The following ZNF677 variants were observed in gnomAD, a reference collection of about 807,000 sequenced individuals.
ZNF677 encodes zinc finger protein 677, also known as hypothetical protein MGC48625.
A neutral mutation model predicts 8.1 loss-of-function variants in ZNF677; 5 were observed. The observed-to-expected ratio is 0.62, with a 90% CI of 0.32 to 1.29. The LOEUF is 1.29. Among genes scored for constraint, ZNF677 ranks in the 50% most tolerant of loss-of-function variants. The pLI is 0.05. For missense variants in ZNF677, 685 were observed against 685.9 expected (o/e 1.00, Z 0.01); for synonymous variants, 221 against 225.6 (o/e 0.98, Z 0.18).
In ZNF677 at chr19:53,237,128, G is replaced by A. The variant is rs1456107567; in HGVS notation, c.1599C>T (p.His533=). 5 of 1,613,642 alleles carry A rather than the reference G, an allele frequency of 3.1e-6. No homozygotes were observed. The African/African-American group carries it at 4.0e-5, about 13-fold the overall frequency. Residue 533 remains histidine, a synonymous_variant, in exon 5 of 5, where the codon CAC becomes CAT. Transcript: ENST00000598513. ...AFTQFANLTR[H]QKIHIEKKHC... Reference sequence around the variant, plus strand: ...GTTTCTTTTCAATGTGTATTTTCTGGTGTCTAGTGAGGTTTGCAAATTGGG... The same window carrying A: ...GTTTCTTTTCAATGTGTATTTTCTGATGTCTAGTGAGGTTTGCAAATTGGG...
At chr19:53,252,805 A>T (rs2091255545) in intron 2 of ZNF677, among the ~76,000 whole-genome samples, 1 of 152,114 alleles carries the variant, frequency 6.6e-6, no homozygotes, top group South Asian at 2.1e-4. Context: ...GACATAAGGG[A>T]GTAAAGAAAC....
chr19:53,240,761 G>A (rs1396728520), intron 4 of ZNF677: 1 of 152,216 alleles, frequency 6.6e-6, no homozygotes, highest in South Asian at 2.1e-4. Flanking sequence ...TATTATGGAG[G>A]ATATATGTCT....
At position 53,237,168 on chromosome 19, in the gene ZNF677, C is replaced by T. The variant is rs2090979622; in HGVS notation, c.1559G>A (p.Cys520Tyr). ...TGEKPYKCTE[C>Y]GKAFTQFANL... ...TGCAAATTGGGTAAAAGCTTTGCCA[C>T]ATTCAGTACATTTGTAAGGTTTCTC... The change falls in exon 5 of 5, where the codon TGT (cysteine) becomes TAT (tyrosine). Residue 520 changes from cysteine to tyrosine, a missense_variant. Physicochemically the swap from Cys to Tyr is radical, Grantham distance 194. Transcript: ENST00000598513. 1.2e-6 allele frequency: 2 copies of T among 1,612,484 alleles called. No individual in the cohort carries two copies. The highest frequency in any genetic ancestry group is 3.3e-5 in the Admixed American group (2 of 59,848).
chr19:53,244,230 G>A (rs1368790297), intron 3 of ZNF677, among the ~76,000 whole-genome samples: 1 of 152,138 alleles, frequency 6.6e-6, no homozygotes, highest in Non-Finnish European at 1.5e-5. Context: ...GGGCACACTG[G>A]AATGGGCCTG....
Position 53,238,110 on chromosome 19 carries a change from T to G in ZNF677, c.617A>C (p.Gln206Pro). Residue 206 changes from glutamine (Q) to proline (P), a missense_variant, in exon 5 of 5, where the codon CAA becomes CCA. Transcript: ENST00000598513. ...QAQLAELQRF[Q>P]TGEKMYECNP... ...ACATTCATACATTTTCTCCCCAGTT[T>G]GAAATCTCTGTAGTTCAGCCAGCTG... 2 of 1,614,060 alleles carry G rather than the reference T, an allele frequency of 1.2e-6. No homozygotes were observed. The highest frequency in any genetic ancestry group is 1.3e-5 in the African/African-American group (1 of 75,066).
At chr19:53,243,272 A>G in intron 4 of ZNF677, 1 of 167,974 alleles carries the variant, frequency 6.0e-6, no homozygotes, top group Non-Finnish European at 1.3e-5. Context: ...GAAAAAAAGG[A>G]ACATGGTATG....
intron 4 of ZNF677, chr19:53,242,319 T>C: frequency 2.5e-6 from 1 of 398,466 alleles, no homozygotes; most frequent in Non-Finnish European, 4.4e-6. Context: ...AGTTCCCGGA[T>C]AGAGTAGAAA....
rs1465583972 is a variant in ZNF677 at position 53,237,071 on chromosome 19, TA to T, written c.1655del (p.Leu552TyrfsTer61). The T allele has an allele frequency of 1.9e-6, 3 of 1,612,892 alleles. No homozygotes were observed. Among genetic ancestry groups the T allele is most frequent in the Non-Finnish European group, 2.5e-6 (3 of 1,179,694 alleles). ...GATCTCCAAGGTTTGAACTTTGGAA[TA>T]AAGCATTACCATGTATATTATGTTT... The part of the protein sequence containing the change: ...HCKHNIHGNA[L>X]FQSSNLGDHQ... On this transcript the variant is annotated frameshift_variant, in exon 5 of 5. Transcript: ENST00000598513. LOFTEE classifies it low-confidence loss of function (END_TRUNC).
intron 4 of ZNF677, chr19:53,240,370 C>T (rs369725637): frequency 1.2e-4 from 19 of 152,376 alleles, no homozygotes; most frequent in African/African-American, 4.6e-4. Flanking sequence ...CCTCAGCCTC[C>T]TGAGTAGCTG....
At position 53,238,509 on chromosome 19, in the gene ZNF677, T is replaced by C. The variant is rs1429352904; in HGVS notation, c.218A>G (p.Asn73Ser). The change falls in exon 5 of 5, where the codon AAT becomes AGT. Residue 73 changes from asparagine to serine, a missense_variant. By Grantham distance (46) the Asn-to-Ser change is conservative. Coordinates refer to ENST00000598513, the MANE Select transcript of ZNF677 (RefSeq NM_182609.4). ...TSKGLSPKEN[N>S]KEELYHLVIL... The stretch of plus-strand genomic sequence containing the variant: ...CACCAGATGGTATAATTCCTCTTTA[T>C]TATTTTCCTTTGGTGATAATCCCTT... 5 of 1,597,304 alleles carry C rather than the reference T, an allele frequency of 3.1e-6. No individual in the cohort carries two copies. The highest frequency in any genetic ancestry group is 4.3e-6 in the Non-Finnish European group (5 of 1,175,240).
intron 4 of ZNF677, chr19:53,241,172 A>G (rs1316376594): frequency 6.6e-6 from 1 of 152,188 alleles, no homozygotes; most frequent in Non-Finnish European, 1.5e-5. Context: ...CATATAAAAC[A>G]TCATGAAAGT....
chr19:53,246,522 A>ACACT (rs1389073006), intron 3 of ZNF677, among the ~76,000 whole-genome samples: 2 of 147,670 alleles, frequency 1.4e-5, no homozygotes, highest in Non-Finnish European at 3.0e-5. Flanking sequence ...ACACACACAC[A>ACACT]CACACACACT....
chr19:53,242,198 C>T (rs1016520552), intron 4 of ZNF677: 17 of 397,508 alleles, frequency 4.3e-5, no homozygotes, highest in African/African-American at 2.7e-4. Context: ...TCCCAAAGTG[C>T]TGGGATTATA....
chr19:53,249,076 T>C (rs573449204), intron 3 of ZNF677: 3 of 152,326 alleles, frequency 2.0e-5, no homozygotes, highest in East Asian at 1.9e-4. Flanking sequence ...AACTTTATAG[T>C]TGAAATTTTC....
rs1568689327 is a variant in ZNF677, at chr19:53,238,313, TTTA to T, written c.411_413del (p.Asn137del). 1.2e-6 allele frequency: 2 copies of T among 1,613,650 alleles called. No homozygotes were observed. Among genetic ancestry groups the T allele is most frequent in the Non-Finnish European group, 8.5e-7 (1 of 1,179,798 alleles). The stretch of plus-strand genomic sequence containing the variant: ...GCTTTAAAGAGAAATGTATTGAGGA[TTTA>T]TTATGTTGTTGATCTTTTCTGTGAG... On this transcript the variant is annotated inframe_deletion, in exon 5 of 5. Transcript: ENST00000598513.
chr19:53,236,246 A>G lies in ZNF677; in HGVS notation c.*726T>C, dbSNP rs2090971912. ...AGTGTTCTTGCTTTTTCCAGGTTTC[A>G]GTAATATAAAGAAGCCACACCTAAG... On this transcript the variant is annotated 3_prime_UTR_variant, in exon 5 of 5. Coordinates refer to ENST00000598513, the MANE Select transcript of ZNF677 (RefSeq NM_182609.4). 1.3e-5 allele frequency: 2 copies of G among 152,180 alleles called. No homozygotes were observed. Among genetic ancestry groups the G allele is most frequent in the Admixed American group, 6.5e-5 (1 of 15,274 alleles). The allele number at this position is 152,180 out of a possible 1,614,324, so 9.4% of individuals were successfully genotyped here. A position where few individuals can be genotyped will look rare whatever the true frequency, so the allele number is the denominator to read the frequency against.
At chr19:53,249,715 T>TA (rs1192900100) in intron 3 of ZNF677, among the ~76,000 whole-genome samples, 5 of 148,876 alleles carry the variant, frequency 3.4e-5, no homozygotes, top group African/African-American at 5.2e-5. Context: ...CATTTTATCA[T>TA]AAAAAATATA....
At position 53,237,708 on chromosome 19, in the gene ZNF677, A is replaced by G; in HGVS notation, c.1019T>C (p.Met340Thr). The G allele has an allele frequency of 6.2e-7, 1 of 1,613,750 alleles. No homozygotes were observed. The highest frequency in any genetic ancestry group is 8.5e-7 in the Non-Finnish European group (1 of 1,179,850). The stretch of plus-strand genomic sequence containing the variant: ...TTTGTAAGGTTTCTCTCCAGTATGC[A>G]TCCTCTGATGACTTGCAAGATTTGA... ...QNSNLASHQR[M>T]HTGEKPYKCN... is the part of the protein sequence containing the mutation. The change falls in exon 5 of 5, where the codon ATG (methionine) becomes ACG (threonine). Residue 340 changes from methionine to threonine, a missense_variant. By Grantham distance (81) the Met-to-Thr change is moderately conservative. Transcript: ENST00000598513.
In ZNF677 at chr19:53,237,370, G is replaced by A; in HGVS notation, c.1357C>T (p.His453Tyr). 1.9e-6 allele frequency: 3 copies of A among 1,613,898 alleles called. No homozygotes were observed. Among genetic ancestry groups the A allele is most frequent in the Non-Finnish European group, 1.7e-6 (2 of 1,179,970 alleles). The change falls in exon 5 of 5, where the codon CAC (histidine) becomes TAC (tyrosine). Residue 453 changes from histidine to tyrosine, a missense_variant. His to Tyr is a moderately conservative substitution (Grantham distance 83, BLOSUM62 2). Transcript: ENST00000598513. Reference protein sequence around the residue: ...SSSLVEHQRIHTGEKPYKCNK... With the variant: ...SSSLVEHQRIYTGEKPYKCNK... ...CATTTGTAAGGTTTTTCTCCAGTGT[G>A]AATTCTCTGATGTTCCACAAGACTT...
Sources: gnomAD v4.1 joint callset for allele counts (sites outside exome capture counted in the v4.1 genomes callset) on GRCh38, gnomAD v4.1.1 for gene constraint, MANE v1.5 for transcripts, NCBI Gene and HGNC (gene_info 2026-07-23, HGNC 2026-07-21) for gene names.